Variants in SLC7A14 observed in about 807,000 individuals in gnomAD.
The protein encoded by SLC7A14 is solute carrier family 7 member 14, also known as gamma-aminobutyric acid transporter SLC7A14.
Under a neutral mutation model 60.2 loss-of-function variants are expected in SLC7A14, and 37 were observed. The observed-to-expected ratio is 0.61, with a 90% CI of 0.47 to 0.81. The LOEUF is 0.81. Among genes scored for constraint, SLC7A14 ranks in the 30% least tolerant of loss-of-function variants. The pLI is 0.00. For missense variants in SLC7A14, 886 were observed against 982.7 expected (o/e 0.90, Z 1.32); for synonymous variants, 399 against 395.8 (o/e 1.01, Z -0.10).
chr3:170,545,487 G>A (rs536004835), intron 1 of SLC7A14, among the ~76,000 whole-genome samples: 1 of 152,306 alleles, frequency 6.6e-6, no homozygotes, highest in South Asian at 2.1e-4. Context: ...TCCCTGTAGA[G>A]TTTAATTGGC....
intron 1 of SLC7A14, among the ~76,000 whole-genome samples, chr3:170,550,710 C>T (rs1159239290): frequency 3.3e-5 from 5 of 151,234 alleles, no homozygotes; most frequent in Admixed American, 2.0e-4. Context: ...TTAGTAGAGA[C>T]GGGGTTTCAC....
intron 2 of SLC7A14, among the ~76,000 whole-genome samples, chr3:170,506,553 A>C (rs1712786773): frequency 6.6e-6 from 1 of 152,200 alleles, no homozygotes; most frequent in Admixed American, 6.5e-5. Context: ...GTCCTTTTCA[A>C]TGTGAATTTC....
intron 1 of SLC7A14, among the ~76,000 whole-genome samples, chr3:170,551,803 A>G (rs1163485360): frequency 2.0e-5 from 3 of 152,208 alleles, no homozygotes; most frequent in Non-Finnish European, 2.9e-5. Flanking sequence ...TCTCAGATAT[A>G]TGTGTTGCAA....
At chr3:170,517,218 A>G (rs991370003) in intron 2 of SLC7A14, among the ~76,000 whole-genome samples, 2 of 152,240 alleles carry the variant, frequency 1.3e-5, no homozygotes, top group African/African-American at 4.8e-5. Flanking sequence ...TATCTTAGAG[A>G]CTTTATAAGC....
At position 170,486,333 on chromosome 3, in the gene SLC7A14, G is replaced by A. The variant is rs75845001; in HGVS notation, c.795C>T (p.Phe265=). Residue 265 remains phenylalanine, a synonymous_variant, in exon 5 of 8, where the codon TTC becomes TTT. Transcript: ENST00000231706. ...TGGTGGCGATGATGTCAAAGCCAATGAAAGCGTAGAAGCATGTTGCTGCTC... is the reference window on the plus strand; with the variant it reads ...TGGTGGCGATGATGTCAAAGCCAATAAAAGCGTAGAAGCATGTTGCTGCTC... The part of the protein sequence containing the change: ...LQGAATCFYA[F]IGFDIIATTG... 4,623 of 1,614,238 alleles carry A rather than the reference G, an allele frequency of 2.9e-3. 87 individuals carry two copies. In the East Asian group the frequency reaches 0.06, roughly 21 times the overall value.
In SLC7A14 at chr3:170,526,621, G is replaced by A. The variant is rs1047700191; in HGVS notation, c.304+12C>T. On this transcript the variant is annotated intron_variant, in intron 2 of 7. Transcript: ENST00000231706. ...CACTTTCCACAGTACTTCCCTGCAT[G>A]GAGACACTTACCTGATAATATGGAT... 17 of 1,612,458 alleles carry A rather than the reference G, an allele frequency of 1.1e-5. No homozygotes were observed. The highest frequency in any genetic ancestry group is 1.4e-5 in the Non-Finnish European group (17 of 1,179,328).
intron 1 of SLC7A14, among the ~76,000 whole-genome samples, chr3:170,553,635 G>T (rs1714409352): frequency 3.3e-5 from 5 of 152,238 alleles, no homozygotes. Flanking sequence ...TCCGGTGGAG[G>T]ATGAGCTGAG....
rs118069304 is a variant in SLC7A14 at position 170,473,880 on chromosome 3, G to T, written c.1993+6409C>A. 2.6e-5 allele frequency among the ~76,000 whole-genome samples: 4 copies of T among 152,198 alleles called. No homozygotes were observed. In the East Asian group the frequency reaches 7.7e-4, roughly 29 times the overall value. ...GTTTCTCATCTGCAAAACGGGGTTG[G>T]GGATGCTTATTTTATTTGCAGTATA... On this transcript the variant is annotated intron_variant, in intron 7 of 7. Transcript: ENST00000231706.
At chr3:170,577,462 C>G (rs1417878117) in intron 1 of SLC7A14, among the ~76,000 whole-genome samples, 1 of 151,362 alleles carries the variant, frequency 6.6e-6, no homozygotes, top group African/African-American at 2.4e-5. Context: ...ACTAAAAATA[C>G]AAAAACTTAG....
chr3:170,531,320 C>T (rs1481522898), intron 1 of SLC7A14, among the ~76,000 whole-genome samples: 1 of 152,142 alleles, frequency 6.6e-6, no homozygotes, highest in Non-Finnish European at 1.5e-5. Context: ...GCGGCACTGT[C>T]TGGAGATATC....
chr3:170,477,376 C>T (rs1423376551), intron 7 of SLC7A14, among the ~76,000 whole-genome samples: 1 of 152,198 alleles, frequency 6.6e-6, no homozygotes, highest in Non-Finnish European at 1.5e-5. Context: ...ACCATTTAGG[C>T]TATAACCATG....
rs750487882 is a variant in SLC7A14 at position 170,498,858 on chromosome 3, G to A, written c.568C>T (p.Leu190Phe). The A allele has an allele frequency of 1.2e-6, 2 of 1,614,112 alleles. No individual in the cohort carries two copies. The highest frequency in any genetic ancestry group is 8.5e-7 in the Non-Finnish European group (1 of 1,180,030). ...LGKGEESYPD[L>F]LALLIAVIVT... is the part of the protein sequence containing the mutation. The stretch of plus-strand genomic sequence containing the variant: ...ATGACCGCGATCAACAGAGCCAGAA[G>A]GTCTGGGTATGATTCTTCACCTTTC... Residue 190 changes from leucine (L) to phenylalanine (F), a missense_variant, in exon 4 of 8, where the codon CTT becomes TTT. Physicochemically the swap from Leu to Phe is conservative, Grantham distance 22. Coordinates refer to ENST00000231706, the MANE Select transcript of SLC7A14 (RefSeq NM_020949.3).
chr3:170,483,417 C>T lies in SLC7A14; in HGVS notation c.1012G>A (p.Val338Met). Residue 338 changes from valine (V) to methionine (M), a missense_variant, in exon 6 of 8, where the codon GTG becomes ATG. Transcript: ENST00000231706. ...AGTCCTGCAACCGACCCAATGGCCA[C>T]TACGAATTTGGCAGCATAGAACCCA... ...AHGFYAAKFV[V>M]AIGSVAGLTV... The T allele has an allele frequency of 6.2e-7, 1 of 1,614,240 alleles. No individual in the cohort carries two copies. Among genetic ancestry groups the T allele is most frequent in the Non-Finnish European group, 8.5e-7 (1 of 1,180,058 alleles).
At chr3:170,567,924 G>A (rs1714840007) in intron 1 of SLC7A14, among the ~76,000 whole-genome samples, 2 of 151,712 alleles carry the variant, frequency 1.3e-5, no homozygotes, top group African/African-American at 2.4e-5. Context: ...TGTCAGATGA[G>A]TAGGTTGTGA....
rs1232941697 is a variant in SLC7A14, at chr3:170,464,263, A to G, written c.*2792T>C. The G allele has an allele frequency of 6.6e-6, 1 of 152,254 alleles. No homozygotes were observed. The highest frequency in any genetic ancestry group is 1.5e-5 in the Non-Finnish European group (1 of 68,040). The allele number at this position is 152,254 out of a possible 1,614,324, so 9.4% of individuals were successfully genotyped here. A position where few individuals can be genotyped will look rare whatever the true frequency, so the allele number is the denominator to read the frequency against. On this transcript the variant is annotated 3_prime_UTR_variant, in exon 8 of 8. Coordinates refer to ENST00000231706, the MANE Select transcript of SLC7A14 (RefSeq NM_020949.3). ...TGGCTCCAAACCACAAATCCACACAATGAAATCTCACTCGGAGAGCTTTTG... is the reference window on the plus strand; with the variant it reads ...TGGCTCCAAACCACAAATCCACACAGTGAAATCTCACTCGGAGAGCTTTTG...
In SLC7A14 at chr3:170,463,936, TG is replaced by T. The variant is rs1004261954; in HGVS notation, c.*3118del. ...ATGCTATTTCAAACCTCTACCTGCA[TG>T]GGGAAAGATTTGTTCTTATCATGCA... On this transcript the variant is annotated 3_prime_UTR_variant, in exon 8 of 8. Transcript: ENST00000231706. 2.0e-5 allele frequency: 3 copies of T among 152,224 alleles called. No homozygotes were observed. Among genetic ancestry groups the T allele is most frequent in the African/African-American group, 7.2e-5 (3 of 41,460 alleles). The allele number at this position is 152,224 out of a possible 1,614,324, so 9.4% of individuals were successfully genotyped here.
rs1410417489 is a variant in SLC7A14 at position 170,526,849 on chromosome 3, T to C, written c.88A>G (p.Lys30Glu). ...CCCTCTAGCATGGACTCCACTGGTTTGGTGCGTAGGATCCTGGAGTGCATT... is the reference window on the plus strand; with the variant it reads ...CCCTCTAGCATGGACTCCACTGGTTCGGTGCGTAGGATCCTGGAGTGCATT... ...YAMHSRILRT[K>E]PVESMLEGTG... The change falls in exon 2 of 8, where the codon AAA becomes GAA. Residue 30 changes from lysine (K) to glutamate (E), a missense_variant. Transcript: ENST00000231706. 1 of 1,614,158 alleles carries C rather than the reference T, an allele frequency of 6.2e-7. No homozygotes were observed. Among genetic ancestry groups the C allele is most frequent in the East Asian group, 2.2e-5 (1 of 44,880 alleles).
chr3:170,474,336 A>C lies in SLC7A14; in HGVS notation c.1993+5953T>G, dbSNP rs1443272751. ...GGGATCACAGGAGAGCCAGTGTCTC[A>C]GCTGCCACTGATTGCAAAGCCCTGT... is the stretch of plus-strand genomic sequence containing the variant. On this transcript the variant is annotated intron_variant, in intron 7 of 7. Transcript: ENST00000231706. Among the ~76,000 whole-genome samples, 5 of 152,292 alleles carry C rather than the reference A, an allele frequency of 3.3e-5. No individual in the cohort carries two copies. In the East Asian group the frequency reaches 9.6e-4, roughly 29 times the overall value.
intron 5 of SLC7A14, among the ~76,000 whole-genome samples, chr3:170,485,589 G>A (rs1468261092): frequency 6.6e-6 from 1 of 152,178 alleles, no homozygotes. Flanking sequence ...GCAAGCATCA[G>A]AGCATGAGGA....
Sources: allele counts gnomAD v4.1 joint callset (sites outside exome capture counted in the v4.1 genomes callset), GRCh38; gene constraint gnomAD v4.1.1; transcripts MANE v1.5; gene names NCBI Gene and HGNC (gene_info 2026-07-23, HGNC 2026-07-21).